ATRNL1: variants seen among roughly 807,000 people sequenced by gnomAD.
The protein encoded by ATRNL1 is attractin-like protein 1.
In ATRNL1, 95 loss-of-function variants were observed where a neutral mutation model predicts 182.7. The observed-to-expected ratio is 0.52, with a 90% CI of 0.44 to 0.62. ATRNL1 has a LOEUF of 0.62. Among genes scored for constraint, ATRNL1 ranks in the 20% least tolerant of loss-of-function variants. The pLI, the probability that ATRNL1 is intolerant of heterozygous loss-of-function variation, is 0.00. For synonymous variants in ATRNL1, 576 were observed against 568.3 expected (o/e 1.01, Z -0.19); for missense variants, 1,471 against 1,679.5 (o/e 0.88, Z 2.17).
intron 17 of ATRNL1, among the ~76,000 whole-genome samples, chr10:115,310,888 C>T (rs544754731): frequency 1.3e-5 from 2 of 152,102 alleles, no homozygotes; most frequent in Admixed American, 6.5e-5. Flanking sequence ...TTCTCTAGTT[C>T]TTTGAGATGT....
At chr10:115,427,691 A>G (rs1554963221) in intron 21 of ATRNL1, among the ~76,000 whole-genome samples, 1 of 152,166 alleles carries the variant, frequency 6.6e-6, no homozygotes, top group African/African-American at 2.4e-5. Flanking sequence ...CTATACTTTA[A>G]TCAATGAATT....
At position 115,815,858 on chromosome 10, in the gene ATRNL1, T is replaced by A. The variant is rs563655218; in HGVS notation, c.3904-32019T>A. 7.9e-5 allele frequency among the ~76,000 whole-genome samples: 12 copies of A among 152,252 alleles called. No homozygotes were observed. In the South Asian group the frequency reaches 2.5e-3, roughly 32 times the overall value. On this transcript the variant is annotated intron_variant, in intron 27 of 28. Transcript: ENST00000355044. ...TTTATCTTCTCAGTGATTTCCTGCC[T>A]TATAATTCTTTTTAAAAATCACATT...
intron 5 of ATRNL1, 122 bp downstream of exon 5, chr10:115,129,657 T>A: frequency 1.5e-6 from 1 of 685,770 alleles, no homozygotes; most frequent in Non-Finnish European, 2.3e-6. Flanking sequence ...TTTACTTTTA[T>A]TTTTAGAATG....
intron 20 of ATRNL1, among the ~76,000 whole-genome samples, chr10:115,423,457 G>A (rs1377935360): frequency 6.6e-6 from 1 of 152,172 alleles, no homozygotes; most frequent in Non-Finnish European, 1.5e-5. Flanking sequence ...GAGCACAGGA[G>A]ATGAAGGCTG....
intron 24 of ATRNL1, among the ~76,000 whole-genome samples, chr10:115,518,762 C>T (rs1337629765): frequency 4.6e-5 from 7 of 151,896 alleles, no homozygotes; most frequent in East Asian, 3.9e-4. Context: ...AAATGGAGAA[C>T]GACTTCAACT....
At chr10:115,325,478 A>G (rs1428657472) in intron 18 of ATRNL1, among the ~76,000 whole-genome samples, 7 of 152,140 alleles carry the variant, frequency 4.6e-5, no homozygotes, top group African/African-American at 9.7e-5. Flanking sequence ...CATTGCTACC[A>G]TATTAGTTAT....
chr10:115,612,201 A>G (rs1977454), intron 26 of ATRNL1, among the ~76,000 whole-genome samples: 76,181 of 151,626 alleles, frequency 0.5, 20,092 homozygotes, highest in East Asian at 0.84. Context: ...GCAGTGAGCC[A>G]AGATTAAGCC....
intron 14 of ATRNL1, 77 bp from the exon 15 acceptor site, chr10:115,286,135 TACAG>T: frequency 3.0e-6 from 2 of 664,518 alleles, no homozygotes; most frequent in East Asian, 2.9e-5. Flanking sequence ...TTTAAACAAA[TACAG>T]AAGTACTTTG....
At chr10:115,454,496 A>G (rs532639420) in intron 21 of ATRNL1, among the ~76,000 whole-genome samples, 3 of 152,264 alleles carry the variant, frequency 2.0e-5, no homozygotes, top group African/African-American at 4.8e-5. Flanking sequence ...TTTTAGTAGC[A>G]TGGACATTTT....
In ATRNL1 at chr10:115,389,556, A is replaced by G. The variant is rs868990671; in HGVS notation, c.3176-5103A>G. Among the ~76,000 whole-genome samples the G allele has an allele frequency of 6.4e-3, 484 of 75,134 alleles. 17 individuals are homozygous for G. Among genetic ancestry groups the G allele is most frequent in the African/African-American group, 0.017 (354 of 20,376 alleles). The allele number at this position is 75,134 out of a possible 152,430, so 49.3% of individuals were successfully genotyped here. Reference sequence around the variant, plus strand: ...TGTGTATGTGTATATATATATATATATATATATATATATATATATATATAT... The same window carrying G: ...TGTGTATGTGTATATATATATATATGTATATATATATATATATATATATAT... On this transcript the variant is annotated intron_variant, in intron 19 of 28. Coordinates refer to ENST00000355044, the MANE Select transcript of ATRNL1 (RefSeq NM_207303.4).
intron 19 of ATRNL1, among the ~76,000 whole-genome samples, chr10:115,385,907 TC>T: frequency 6.6e-6 from 1 of 152,212 alleles, no homozygotes; most frequent in Non-Finnish European, 1.5e-5. Flanking sequence ...TCTATTCTGG[TC>T]CATTGATCAC....
At chr10:115,182,209 G>A (rs1472823976) in intron 8 of ATRNL1, among the ~76,000 whole-genome samples, 2 of 151,494 alleles carry the variant, frequency 1.3e-5, no homozygotes, top group African/African-American at 4.8e-5. Flanking sequence ...TACTTATGAT[G>A]TGATAAAGCA....
At chr10:115,314,780 T>A (rs1306907193) in intron 17 of ATRNL1, among the ~76,000 whole-genome samples, 2 of 152,074 alleles carry the variant, frequency 1.3e-5, no homozygotes, top group Non-Finnish European at 2.9e-5. Context: ...CTTTGTTGAG[T>A]CTCATAGGTT....
At chr10:115,574,039 A>AAT (rs1854562453) in intron 26 of ATRNL1, among the ~76,000 whole-genome samples, 1 of 152,150 alleles carries the variant, frequency 6.6e-6, no homozygotes, top group Non-Finnish European at 1.5e-5. Flanking sequence ...CTTAAAGCAG[A>AAT]AAATTCTTTG....
chr10:115,212,813 C>T (rs1165249684), intron 8 of ATRNL1, among the ~76,000 whole-genome samples: 7 of 151,784 alleles, frequency 4.6e-5, no homozygotes, highest in Non-Finnish European at 1.0e-4. Flanking sequence ...CACATGGACA[C>T]ATAGAGGGAA....
intron 28 of ATRNL1, among the ~76,000 whole-genome samples, chr10:115,918,256 G>A (rs113485583): frequency 0.021 from 3,229 of 152,112 alleles, 95 homozygotes; most frequent in African/African-American, 0.073. Flanking sequence ...GTGCACCACT[G>A]TAGCTGGCTA....
chr10:115,161,476 C>G (rs150927225), intron 6 of ATRNL1, among the ~76,000 whole-genome samples: 5 of 151,816 alleles, frequency 3.3e-5, no homozygotes, highest in African/African-American at 1.2e-4. Context: ...AATGAGAAGT[C>G]TATGAAAGTA....
At position 115,266,828 on chromosome 10, in the gene ATRNL1, G is replaced by A. The variant is rs781952348; in HGVS notation, c.1804G>A (p.Val602Ile). Reference protein sequence around the residue: ...SMYIFGGFSSVLLNDILVYKP... With the variant: ...SMYIFGGFSSILLNDILVYKP... Reference sequence around the variant, plus strand: ...GTATATATTTGGGGGATTTTCTAGTGTACTCCTTAATGATATCCTTGTATA... The same window carrying A: ...GTATATATTTGGGGGATTTTCTAGTATACTCCTTAATGATATCCTTGTATA... The change falls in exon 12 of 29, where the codon GTA (valine) becomes ATA (isoleucine). Residue 602 changes from valine (V) to isoleucine (I), a missense_variant. Coordinates refer to ENST00000355044, the MANE Select transcript of ATRNL1 (RefSeq NM_207303.4). The A allele has an allele frequency of 6.2e-7, 1 of 1,609,266 alleles. No individual in the cohort carries two copies. The highest frequency in any genetic ancestry group is 8.5e-7 in the Non-Finnish European group (1 of 1,176,836).
intron 27 of ATRNL1, among the ~76,000 whole-genome samples, chr10:115,755,379 A>G (rs1401850129): frequency 2.6e-5 from 4 of 152,184 alleles, no homozygotes; most frequent in Admixed American, 6.5e-5. Context: ...TTTAGCATGA[A>G]AGGCTGTTGA....
Sources: allele counts gnomAD v4.1 joint callset (sites outside exome capture counted in the v4.1 genomes callset), GRCh38; gene constraint gnomAD v4.1.1; transcripts MANE v1.5; gene names NCBI Gene and HGNC (gene_info 2026-07-23, HGNC 2026-07-21).